Variants in CNTN4 observed in about 807,000 individuals in gnomAD.
CNTN4 encodes contactin-4.
Under a neutral mutation model 122.5 loss-of-function variants are expected in CNTN4, and 77 were observed. The ratio of observed to expected loss-of-function variants is 0.63; its 90% confidence interval spans 0.52 to 0.76. CNTN4 has a LOEUF of 0.76. Among genes scored for constraint, CNTN4 ranks in the 30% least tolerant of loss-of-function variants. CNTN4 has a pLI of 0.00. For missense variants in CNTN4, 1,256 were observed against 1,259.1 expected (o/e 1.00, Z 0.04); for synonymous variants, 512 against 447.0 (o/e 1.15, Z -1.83).
intron 7 of CNTN4, among the ~76,000 whole-genome samples, chr3:2,861,782 G>A (rs757270386): frequency 2.6e-5 from 4 of 152,124 alleles, no homozygotes; most frequent in African/African-American, 4.8e-5. Flanking sequence ...GCAAGTTACT[G>A]GGTTTCCTTG....
intron 6 of CNTN4, among the ~76,000 whole-genome samples, chr3:2,815,887 T>G (rs1450972655): frequency 6.7e-6 from 1 of 150,368 alleles, no homozygotes; most frequent in East Asian, 1.9e-4. Context: ...TATATATATA[T>G]ATATGATGGA....
chr3:2,881,230 C>A (rs1044817191), intron 8 of CNTN4, among the ~76,000 whole-genome samples: 4 of 152,022 alleles, frequency 2.6e-5, no homozygotes, highest in African/African-American at 9.7e-5. Flanking sequence ...AGGGTCACCT[C>A]GGTGGGGTGC....
intron 3 of CNTN4, among the ~76,000 whole-genome samples, chr3:2,430,492 G>C (rs114108208): frequency 3.2e-3 from 480 of 151,264 alleles, no homozygotes; most frequent in African/African-American, 0.011. Context: ...GGGAGCTGTA[G>C]GCTGGAGCTG....
chr3:2,128,832 A>T (rs956690819), intron 2 of CNTN4, among the ~76,000 whole-genome samples: 3 of 152,226 alleles, frequency 2.0e-5, no homozygotes, highest in African/African-American at 7.2e-5. Flanking sequence ...GAATGAAATG[A>T]TTCATCAATA....
chr3:2,594,280 A>G (rs911392643), intron 4 of CNTN4, among the ~76,000 whole-genome samples: 10 of 152,162 alleles, frequency 6.6e-5, no homozygotes, highest in African/African-American at 2.4e-4. Flanking sequence ...CTTGAGGCCA[A>G]TTCTATACAC....
At chr3:2,329,037 A>G (rs1433228034) in intron 2 of CNTN4, among the ~76,000 whole-genome samples, 2 of 152,218 alleles carry the variant, frequency 1.3e-5, no homozygotes, top group Non-Finnish European at 2.9e-5. Context: ...ATATAAATAG[A>G]AGTAAAATTT....
chr3:2,380,690 T>C (rs189916821), intron 3 of CNTN4, among the ~76,000 whole-genome samples: 10 of 151,132 alleles, frequency 6.6e-5, no homozygotes, highest in Admixed American at 6.6e-4. Context: ...TCATGCATGC[T>C]TAGTGGGTTT....
chr3:2,925,325 G>A (rs576385725), intron 12 of CNTN4, among the ~76,000 whole-genome samples: 148 of 152,282 alleles, frequency 9.7e-4, no homozygotes, highest in African/African-American at 3.4e-3. Context: ...GGAGGCTGAG[G>A]CGGGCGGATC....
intron 3 of CNTN4, among the ~76,000 whole-genome samples, chr3:2,445,115 T>A (rs2048575557): frequency 6.6e-6 from 1 of 152,174 alleles, no homozygotes; most frequent in African/African-American, 2.4e-5. Flanking sequence ...TGATTACTAA[T>A]CCTGAAGGAT....
chr3:2,643,717 C>A (rs1576324988), intron 4 of CNTN4, among the ~76,000 whole-genome samples: 1 of 152,092 alleles, frequency 6.6e-6, no homozygotes, highest in African/African-American at 2.4e-5. Context: ...AGTGGTGATG[C>A]GATAGTCTCC....
chr3:2,807,715 A>G (rs569682611), intron 6 of CNTN4, among the ~76,000 whole-genome samples: 48 of 145,148 alleles, frequency 3.3e-4, no homozygotes, highest in Middle Eastern at 3.5e-3. Flanking sequence ...GCATTTTTTA[A>G]TGAGTCCAGC....
At chr3:2,974,115 T>C (rs184741408) in intron 13 of CNTN4, among the ~76,000 whole-genome samples, 2 of 152,274 alleles carry the variant, frequency 1.3e-5, no homozygotes, top group Admixed American at 6.5e-5. Flanking sequence ...TAATCCCTCT[T>C]TTACTGAAAC....
intron 14 of CNTN4, among the ~76,000 whole-genome samples, chr3:3,003,693 AAAAAAAAAAAAAAAAAAAAAAC>A (rs1696278105): frequency 6.9e-6 from 1 of 144,664 alleles, no homozygotes; most frequent in East Asian, 2.0e-4. Context: ...CCAAAAAAAA[AAAAAAAAAAAAAAAAAAAAAAC>A]AAAAAAACCC....
chr3:2,406,426 G>A (rs779750313), intron 3 of CNTN4, among the ~76,000 whole-genome samples: 3 of 152,082 alleles, frequency 2.0e-5, no homozygotes, highest in South Asian at 2.1e-4. Flanking sequence ...ATTCTTCATC[G>A]TATCTTCATA....
chr3:2,875,520 A>C (rs35422591), intron 8 of CNTN4, among the ~76,000 whole-genome samples: 1 of 152,130 alleles, frequency 6.6e-6, no homozygotes, highest in African/African-American at 2.4e-5. Flanking sequence ...ATAAAGTTTT[A>C]TTGGCACACA....
At chr3:2,795,733 A>G (rs1223506582) in intron 6 of CNTN4, among the ~76,000 whole-genome samples, 1 of 151,712 alleles carries the variant, frequency 6.6e-6, no homozygotes, top group Admixed American at 6.6e-5. Context: ...TGTTAGCTAG[A>G]ATGGTCTCGA....
chr3:2,834,898 CTTTTTTTTTTT>C (rs71058653), intron 7 of CNTN4, among the ~76,000 whole-genome samples: 6 of 60,450 alleles, frequency 9.9e-5, no homozygotes, highest in Admixed American at 5.5e-4. Context: ...TAAAGGCAAC[CTTTTTTTTTTT>C]TTTTTTTTTT....
At chr3:2,966,513 G>T (rs1692325190) in intron 13 of CNTN4, among the ~76,000 whole-genome samples, 1 of 152,082 alleles carries the variant, frequency 6.6e-6, no homozygotes, top group Non-Finnish European at 1.5e-5. Flanking sequence ...ATAGTTAATG[G>T]ATACGAAAAT....
At chr3:2,479,947 A>G (rs2075942071) in intron 3 of CNTN4, among the ~76,000 whole-genome samples, 1 of 152,218 alleles carries the variant, frequency 6.6e-6, no homozygotes, top group African/African-American at 2.4e-5. Flanking sequence ...CACATCAGGT[A>G]TCCAAGGGTG....
Sources: allele counts gnomAD v4.1 joint callset (sites outside exome capture counted in the v4.1 genomes callset), GRCh38; gene constraint gnomAD v4.1.1; transcripts MANE v1.5; gene names NCBI Gene and HGNC (gene_info 2026-07-23, HGNC 2026-07-21).